The following PARP4 variants were observed in gnomAD, a reference collection of about 807,000 sequenced individuals.
PARP4 encodes protein mono-ADP-ribosyltransferase PARP4.
In PARP4, 120 loss-of-function variants were observed where a neutral mutation model predicts 187.7. The observed-to-expected ratio is 0.64, with a 90% CI of 0.55 to 0.74. PARP4 has a LOEUF of 0.74. Among genes scored for constraint, PARP4 ranks in the 30% least tolerant of loss-of-function variants. The probability of loss-of-function intolerance (pLI) is 0.00; values close to 1 mark genes in which losing one functional copy is unlikely to be tolerated. For synonymous variants in PARP4, 654 were observed against 740.9 expected (o/e 0.88, Z 1.90); for missense variants, 1,836 against 2,070.5 (o/e 0.89, Z 2.20).
At chr13:24,511,904 T>C (rs1265410960) in intron 1 of PARP4, among the ~76,000 whole-genome samples, 1 of 152,240 alleles carries the variant, frequency 6.6e-6, no homozygotes, top group Non-Finnish European at 1.5e-5. Flanking sequence ...AAGGTACTAC[T>C]TTTATTTCAC....
At chr13:24,424,419 C>T (rs9318530) in intron 33 of PARP4, among the ~76,000 whole-genome samples, 65,096 of 151,836 alleles carry the variant, frequency 0.43, 14,668 homozygotes, top group African/African-American at 0.57. Flanking sequence ...TTCCAGACTT[C>T]GCTGACTGCA....
chr13:24,482,415 A>G (rs193259613), intron 12 of PARP4, among the ~76,000 whole-genome samples: 1 of 152,182 alleles, frequency 6.6e-6, no homozygotes, highest in Non-Finnish European at 1.5e-5. Flanking sequence ...AGCATCTCAT[A>G]CTACAGATAA....
intron 10 of PARP4, among the ~76,000 whole-genome samples, chr13:24,490,410 G>A (rs578202490): frequency 1.0e-4 from 15 of 149,678 alleles, no homozygotes; most frequent in Middle Eastern, 3.5e-3. Context: ...ACTCAAACAC[G>A]TTTTAAAATT....
chr13:24,435,560 T>A (rs1173455783), intron 30 of PARP4, 86 bp from the exon 31 acceptor site: 1 of 1,376,724 alleles, frequency 7.3e-7, no homozygotes, highest in East Asian at 2.3e-5. Flanking sequence ...AGCACTTGAC[T>A]TCCCACCCAT....
rs573121614 is a variant in PARP4 at position 24,511,475 on chromosome 13, T to A, written c.-2+1231A>T. On this transcript the variant is annotated intron_variant, in intron 1 of 33. Coordinates refer to ENST00000381989, the MANE Select transcript of PARP4 (RefSeq NM_006437.4). Reference sequence around the variant, plus strand: ...TCTTCCCCAAATAACATTCACAGAGTGTCTTCCACCCAAAGACAGCAGGGA... The same window carrying A: ...TCTTCCCCAAATAACATTCACAGAGAGTCTTCCACCCAAAGACAGCAGGGA... 2.6e-5 allele frequency among the ~76,000 whole-genome samples: 4 copies of A among 152,190 alleles called. No homozygotes were observed. The East Asian group carries it at 7.7e-4, about 29-fold the overall frequency.
intron 12 of PARP4, among the ~76,000 whole-genome samples, chr13:24,481,316 T>G (rs1195787953): frequency 6.6e-6 from 1 of 152,268 alleles, no homozygotes; most frequent in African/African-American, 2.4e-5. Flanking sequence ...AGGAATTTGT[T>G]GTTTTCATGC....
Position 24,434,540 on chromosome 13 carries a change from T to C in PARP4, c.4601A>G (p.Asp1534Gly). The C allele has an allele frequency of 6.2e-7, 1 of 1,613,988 alleles. No homozygotes were observed. The highest frequency in any genetic ancestry group is 8.5e-7 in the Non-Finnish European group (1 of 1,179,848). ...ACATTTTATTTGTAAAAAGCAGCTG[T>C]CTTGAAGTACTTCTGATAGCTCATC... ...ESDELSEVLQ[D>G]SCFLQIKCDT... Residue 1534 changes from aspartate (D) to glycine (G), a missense_variant, in exon 31 of 34, where the codon GAC becomes GGC. Physicochemically the swap from Asp to Gly is moderately conservative, Grantham distance 94 (BLOSUM62 -1). This residue lies in a region of PARP4 where 450 missense variants were observed against 439.2 expected (regional missense o/e 1.02). Transcript: ENST00000381989.
In PARP4 at chr13:24,452,414, G is replaced by A. The variant is rs200645367; in HGVS notation, c.3006C>T (p.Cys1002=). ...AGCTCTCTGAGACTCACCCGATACC[G>A]CAGGCGAATAACCTGGTGTGCGGGC... ...RSRPHTRLFA[C]GIGSTANRHV... Residue 1002 remains cysteine, a synonymous_variant, in exon 24 of 34, where the codon TGC becomes TGT. Coordinates refer to ENST00000381989, the MANE Select transcript of PARP4 (RefSeq NM_006437.4). The A allele has an allele frequency of 1.4e-4, 232 of 1,611,722 alleles. No homozygotes were observed. Among genetic ancestry groups the A allele is most frequent in the East Asian group, 5.8e-4 (26 of 44,866 alleles).
chr13:24,505,848 G>A (rs992877280), intron 1 of PARP4, among the ~76,000 whole-genome samples: 7 of 152,232 alleles, frequency 4.6e-5, no homozygotes, highest in Admixed American at 4.6e-4. Flanking sequence ...TTAGTTTGAG[G>A]ATCGCGGTTC....
chr13:24,442,213 G>A (rs1430862560), intron 29 of PARP4, among the ~76,000 whole-genome samples: 3 of 150,264 alleles, frequency 2.0e-5, no homozygotes, highest in East Asian at 3.9e-4. Flanking sequence ...AACTTATGAA[G>A]GGGAAGGGCT....
intron 21 of PARP4, among the ~76,000 whole-genome samples, chr13:24,455,999 A>G (rs539421410): frequency 6.6e-6 from 1 of 152,226 alleles, no homozygotes; most frequent in Non-Finnish European, 1.5e-5. Context: ...TACCAACCAC[A>G]AATAACTGCT....
At position 24,434,962 on chromosome 13, in the gene PARP4, A is replaced by T; in HGVS notation, c.4179T>A (p.Ser1393=). The change falls in exon 31 of 34, where the codon TCT becomes TCA. Residue 1393 remains serine (S), a synonymous_variant. Transcript: ENST00000381989. ...CPTGPPQNPP[S]SPYCGIVFSG... ...AAAAAACAATGCCACAATAGGGTGA[A>T]GAAGGTGGGTTCTGGGGAGGTCCTG... 1 of 1,613,966 alleles carries T rather than the reference A, an allele frequency of 6.2e-7. No homozygotes were observed. The highest frequency in any genetic ancestry group is 8.5e-7 in the Non-Finnish European group (1 of 1,179,952).
intron 10 of PARP4, among the ~76,000 whole-genome samples, chr13:24,487,303 G>A (rs1429468135): frequency 4.0e-5 from 6 of 151,798 alleles, no homozygotes; most frequent in Admixed American, 3.9e-4. Context: ...TGCTGTTTAG[G>A]AAACCAAGCA....
intron 29 of PARP4, among the ~76,000 whole-genome samples, 171 bp downstream of exon 29, chr13:24,442,419 G>GCC: frequency 6.6e-6 from 1 of 152,420 alleles, no homozygotes; most frequent in African/African-American, 2.4e-5. Flanking sequence ...CAACACCGAA[G>GCC]CCCCCCATGA....
intron 17 of PARP4, among the ~76,000 whole-genome samples, chr13:24,468,375 G>C (rs1566005440): frequency 6.6e-6 from 1 of 150,754 alleles, no homozygotes; most frequent in Non-Finnish European, 1.5e-5. Context: ...GCTTACTTCA[G>C]GAAAATTGTA....
At chr13:24,451,656 A>T (rs1255024398) in intron 24 of PARP4, among the ~76,000 whole-genome samples, 1 of 146,964 alleles carries the variant, frequency 6.8e-6, no homozygotes, top group African/African-American at 2.6e-5. Context: ...ATAGCTGGTG[A>T]CCACTTGCTG....
chr13:24,470,963 T>G (rs930358772), intron 15 of PARP4, among the ~76,000 whole-genome samples: 6 of 152,016 alleles, frequency 3.9e-5, no homozygotes, highest in Admixed American at 3.3e-4. Context: ...TGCTGGCCAG[T>G]GGGTAGGATT....
intron 8 of PARP4, 63 bp downstream of exon 8, chr13:24,493,533 G>A (rs1868780141): frequency 1.3e-6 from 2 of 1,525,714 alleles, no homozygotes; most frequent in Admixed American, 2.0e-5. Flanking sequence ...ACGTGTTATT[G>A]CTGAAGCCAA....
At chr13:24,473,867 TC>T (rs951086413) in intron 15 of PARP4, among the ~76,000 whole-genome samples, 12 of 151,990 alleles carry the variant, frequency 7.9e-5, no homozygotes, top group African/African-American at 2.9e-4. Flanking sequence ...CCACAGCCGC[TC>T]CCTCCTGGTC....
Sources: gnomAD v4.1 joint callset for allele counts (sites outside exome capture counted in the v4.1 genomes callset) on GRCh38, gnomAD v4.1.1 for gene constraint, gnomAD v4.1.1 regional missense constraint, MANE v1.5 for transcripts, NCBI Gene and HGNC (gene_info 2026-07-23, HGNC 2026-07-21) for gene names.